The following DLC1 variants were observed in gnomAD, a reference collection of about 807,000 sequenced individuals.
DLC1 encodes the protein rho GTPase-activating protein 7.
Under a neutral mutation model 140.3 loss-of-function variants are expected in DLC1, and 54 were observed. The ratio of observed to expected loss-of-function variants is 0.38; its 90% CI spans 0.31 to 0.48. The LOEUF is 0.48. DLC1 is among the 20% of genes least tolerant of loss of function. DLC1 has a pLI of 0.96. For missense variants in DLC1, 2,536 were observed against 1,907.0 expected (o/e 1.33, Z -6.14); for synonymous variants, 986 against 728.1 (o/e 1.35, Z -5.70).
At chr8:13,234,774 T>C (rs976539560) in intron 5 of DLC1, among the ~76,000 whole-genome samples, 1 of 152,126 alleles carries the variant, frequency 6.6e-6, no homozygotes, top group African/African-American at 2.4e-5. Flanking sequence ...AGCTCATGAA[T>C]GCTGAAAAGT....
chr8:13,370,060 C>T (rs1403201649), intron 4 of DLC1, among the ~76,000 whole-genome samples: 1 of 150,804 alleles, frequency 6.6e-6, no homozygotes, highest in Non-Finnish European at 1.5e-5. Context: ...GTTTGCCCTT[C>T]TCCAGGTATG....
chr8:13,356,722 A>C (rs981188423), intron 4 of DLC1, among the ~76,000 whole-genome samples: 2 of 152,192 alleles, frequency 1.3e-5, no homozygotes, highest in Non-Finnish European at 2.9e-5. Context: ...AATGATTTCC[A>C]AATTTCATTT....
intron 2 of DLC1, among the ~76,000 whole-genome samples, chr8:13,468,598 T>A (rs1295593698): frequency 1.3e-5 from 2 of 151,604 alleles, no homozygotes; most frequent in East Asian, 3.9e-4. Context: ...TGGTCTTAAA[T>A]CCCTGGCTTC....
chr8:13,433,468 T>C (rs571942552), intron 2 of DLC1, among the ~76,000 whole-genome samples: 1 of 152,322 alleles, frequency 6.6e-6, no homozygotes, highest in South Asian at 2.1e-4. Context: ...CTGTCTCATA[T>C]GTAAAAAGTT....
At chr8:13,393,424 T>C (rs1416345512) in intron 4 of DLC1, 129 bp downstream of exon 4, 2 of 1,074,002 alleles carry the variant, frequency 1.9e-6, no homozygotes, top group African/African-American at 1.6e-5. Flanking sequence ...ATTAAATAAA[T>C]TAAATATCAT....
chr8:13,521,755 C>T lies in DLC1; in HGVS notation c.-125-21559G>A, dbSNP rs569421008. ...TCGTGTCCTTGAAACAATATTTGTT[C>T]CAATTTCTGTTAAAGTACAAATATG... On this transcript the variant is annotated intron_variant, in intron 1 of 1. Transcript: ENST00000631382. 1.9e-3 allele frequency among the ~76,000 whole-genome samples: 286 copies of T among 152,226 alleles called. 1 individual carries two copies. The highest frequency in any genetic ancestry group is 4.1e-3 in the Admixed American group (63 of 15,288).
At chr8:13,601,093 C>G (rs1805866327) in intron 1 of DLC1, among the ~76,000 whole-genome samples, 2 of 151,708 alleles carry the variant, frequency 1.3e-5, no homozygotes, top group Admixed American at 1.3e-4. Context: ...CTCCTAAAGA[C>G]ACACCTTCGT....
intron 2 of DLC1, among the ~76,000 whole-genome samples, chr8:13,468,946 G>A (rs1800079421): frequency 6.8e-6 from 1 of 147,586 alleles, no homozygotes; most frequent in Non-Finnish European, 1.5e-5. Context: ...TCAGCCTCCC[G>A]AATAGCTGGG....
At chr8:13,091,495 T>C (rs562977420) in intron 13 of DLC1, 63 bp from the exon 14 acceptor site, 5 of 1,465,804 alleles carry the variant, frequency 3.4e-6, no homozygotes, top group South Asian at 1.3e-5. Flanking sequence ...TTCAAGGTAT[T>C]ATTCAAGGAA....
intron 1 of DLC1, among the ~76,000 whole-genome samples, chr8:13,524,994 T>C (rs1234860687): frequency 6.6e-6 from 1 of 151,924 alleles, no homozygotes; most frequent in African/African-American, 2.4e-5. Context: ...TCCCTCTTGC[T>C]CCTTTCTCCC....
At chr8:13,375,401 AT>A (rs1251829359) in intron 4 of DLC1, among the ~76,000 whole-genome samples, 1 of 152,046 alleles carries the variant, frequency 6.6e-6, no homozygotes, top group Non-Finnish European at 1.5e-5. Flanking sequence ...GCTTAAGGAG[AT>A]TTTGGGTTGA....
chr8:13,129,208 C>T (rs1423005706), intron 5 of DLC1, among the ~76,000 whole-genome samples: 1 of 152,252 alleles, frequency 6.6e-6, no homozygotes, highest in African/African-American at 2.4e-5. Context: ...TTCAACCCTA[C>T]AGCACTGTCT....
chr8:13,133,878 G>C (rs1361257820), intron 5 of DLC1, among the ~76,000 whole-genome samples: 1 of 152,118 alleles, frequency 6.6e-6, no homozygotes, highest in Non-Finnish European at 1.5e-5. Context: ...CCTGTCCCTT[G>C]GACATTGGTT....
At chr8:13,362,780 T>C (rs1381082681) in intron 4 of DLC1, among the ~76,000 whole-genome samples, 2 of 152,194 alleles carry the variant, frequency 1.3e-5, no homozygotes, top group East Asian at 3.8e-4. Context: ...AGCATTCTAC[T>C]GTCTTTCCTG....
At chr8:13,369,023 T>G (rs1258843753) in intron 4 of DLC1, among the ~76,000 whole-genome samples, 2 of 152,172 alleles carry the variant, frequency 1.3e-5, no homozygotes, top group African/African-American at 4.8e-5. Context: ...GGTTTCACCA[T>G]GTTGGTCAGG....
In DLC1 at chr8:13,088,723, T is replaced by G; in HGVS notation, c.4075-19A>C. On this transcript the variant is annotated intron_variant, in intron 15 of 17. Transcript: ENST00000276297. ...CGCTCACCTGGAAAGAGGATGTATT[T>G]TTCAGTGCCAAGGCAATCCATACAC... is the stretch of plus-strand genomic sequence containing the variant. 6.2e-7 allele frequency: 1 copy of G among 1,613,302 alleles called. No homozygotes were observed. The highest frequency in any genetic ancestry group is 8.5e-7 in the Non-Finnish European group (1 of 1,179,658).
intron 1 of DLC1, among the ~76,000 whole-genome samples, chr8:13,531,454 TG>T (rs1157152362): frequency 6.6e-6 from 1 of 152,008 alleles, no homozygotes; most frequent in Non-Finnish European, 1.5e-5. Flanking sequence ...AGCATGGTGA[TG>T]GGGGCCTATA....
At position 13,092,864 on chromosome 8, in the gene DLC1, T is replaced by A. The variant is rs571822306; in HGVS notation, c.3527-39A>T. On this transcript the variant is annotated intron_variant, in intron 12 of 17. Transcript: ENST00000276297. ...GCACTTTCTCCATCAGCTTGGTGAA[T>A]TTGCATGGACATTGCAAGGAAATGT... 156 of 1,590,100 alleles carry A rather than the reference T, an allele frequency of 9.8e-5. No individual in the cohort carries two copies. In the South Asian group the frequency reaches 1.5e-3, roughly 15 times the overall value.
intron 1 of DLC1, among the ~76,000 whole-genome samples, chr8:13,525,503 G>T (rs755939193): frequency 6.6e-6 from 1 of 152,160 alleles, no homozygotes; most frequent in African/African-American, 2.4e-5. Context: ...CAGTTGGTAT[G>T]ATGAGTCTTT....
Sources: allele counts gnomAD v4.1 joint callset (sites outside exome capture counted in the v4.1 genomes callset), GRCh38; gene constraint gnomAD v4.1.1; transcripts MANE v1.5; gene names NCBI Gene and HGNC (gene_info 2026-07-23, HGNC 2026-07-21).